The following PACS1 variants were observed in gnomAD, a reference collection of about 807,000 sequenced individuals.
PACS1 encodes the protein PACS-1.
A neutral mutation model predicts 115.0 loss-of-function variants in PACS1; 24 were observed. The observed-to-expected ratio is 0.21, with a 90% CI of 0.15 to 0.29. The LOEUF (loss-of-function observed/expected upper bound fraction) is 0.29, where lower values mean the gene tolerates loss of function less well. Ranked by LOEUF, PACS1 falls within the 10% of genes least tolerant of loss-of-function variation. The probability of loss-of-function intolerance (pLI) is 1.00; values close to 1 mark genes in which losing one functional copy is unlikely to be tolerated. For missense variants in PACS1, 838 were observed against 1,251.2 expected (o/e 0.67, Z 4.98); for synonymous variants, 453 against 504.5 (o/e 0.90, Z 1.37).
At chr11:66,139,918 C>G (rs1858939624) in intron 1 of PACS1, among the ~76,000 whole-genome samples, 2 of 152,074 alleles carry the variant, frequency 1.3e-5, no homozygotes, top group African/African-American at 4.8e-5. Context: ...TTTGGAGGAA[C>G]CTCCAAACTG....
chr11:66,074,321 T>C (rs943529717), intron 1 of PACS1, among the ~76,000 whole-genome samples: 3 of 152,206 alleles, frequency 2.0e-5, no homozygotes, highest in Admixed American at 6.5e-5. Context: ...TAAGTAGTAC[T>C]TCCTCTACTA....
intron 1 of PACS1, among the ~76,000 whole-genome samples, chr11:66,147,412 G>A (rs760371324): frequency 6.6e-6 from 1 of 151,920 alleles, no homozygotes; most frequent in Non-Finnish European, 1.5e-5. Flanking sequence ...ACTAAAGGAA[G>A]AACACCAAAA....
chr11:66,241,268 C>T (rs1214298666), intron 21 of PACS1, 159 bp from the exon 22 acceptor site: 2 of 569,364 alleles, frequency 3.5e-6, no homozygotes, highest in Non-Finnish European at 6.2e-6. Flanking sequence ...GCCTGATTCT[C>T]CTCTCCTACA....
In PACS1 at chr11:66,230,147, A is replaced by G. The variant is rs1246808870; in HGVS notation, c.1375-401A>G. On this transcript the variant is annotated intron_variant, in intron 11 of 23. Transcript: ENST00000320580. ...TAAGGAATGGGGCTAAAAAAAAAAA[A>G]AAAAAAGAAAAAAAAAAAAGGAATG... Among the ~76,000 whole-genome samples the G allele has an allele frequency of 4.6e-5, 7 of 151,280 alleles. No homozygotes were observed. The South Asian group carries it at 8.4e-4, about 18-fold the overall frequency.
At chr11:66,160,595 C>T (rs922237586) in intron 1 of PACS1, among the ~76,000 whole-genome samples, 5 of 151,032 alleles carry the variant, frequency 3.3e-5, no homozygotes, top group Admixed American at 1.3e-4. Context: ...CTCCTGGGCT[C>T]GAGTGATTCT....
chr11:66,239,974 T>C (rs1855778871), intron 21 of PACS1, among the ~76,000 whole-genome samples: 1 of 152,238 alleles, frequency 6.6e-6, no homozygotes, highest in African/African-American at 2.4e-5. Context: ...CTGGGCCACG[T>C]AGTGACGTGG....
At chr11:66,179,694 C>G (rs1859955903) in intron 1 of PACS1, among the ~76,000 whole-genome samples, 1 of 152,182 alleles carries the variant, frequency 6.6e-6, no homozygotes, top group Non-Finnish European at 1.5e-5. Flanking sequence ...ACTCTGGGTT[C>G]TAATTGACTT....
intron 1 of PACS1, among the ~76,000 whole-genome samples, chr11:66,085,224 G>T (rs1476599677): frequency 6.6e-6 from 1 of 151,942 alleles, no homozygotes; most frequent in East Asian, 1.9e-4. Flanking sequence ...TGAAAGACTG[G>T]TTTGCTGTAT....
chr11:66,173,348 T>G (rs1213707931), intron 1 of PACS1, among the ~76,000 whole-genome samples: 1 of 152,228 alleles, frequency 6.6e-6, no homozygotes, highest in Non-Finnish European at 1.5e-5. Context: ...TATTTTCTTC[T>G]GAGTTCCATT....
At chr11:66,240,101 G>T (rs1321544775) in intron 21 of PACS1, among the ~76,000 whole-genome samples, 1 of 152,258 alleles carries the variant, frequency 6.6e-6, no homozygotes, top group South Asian at 2.1e-4. Context: ...CTCTAAAAAA[G>T]AGAAAAAGAA....
chr11:66,219,078 G>A (rs527676872), intron 7 of PACS1, among the ~76,000 whole-genome samples: 1 of 152,152 alleles, frequency 6.6e-6, no homozygotes, highest in African/African-American at 2.4e-5. Context: ...GCATGAGCAG[G>A]TTTGCACTCG....
At chr11:66,228,084 C>G (rs947582431) in intron 11 of PACS1, among the ~76,000 whole-genome samples, 1 of 151,938 alleles carries the variant, frequency 6.6e-6, no homozygotes, top group East Asian at 1.9e-4. Flanking sequence ...CAAACATTTA[C>G]TGTGCCCCTG....
At chr11:66,205,116 C>G (rs1854905129) in intron 2 of PACS1, among the ~76,000 whole-genome samples, 2 of 152,084 alleles carry the variant, frequency 1.3e-5, no homozygotes, top group Non-Finnish European at 2.9e-5. Context: ...TCCCAAGTAG[C>G]TGGGATTACA....
At chr11:66,118,551 G>A (rs922094827) in intron 1 of PACS1, among the ~76,000 whole-genome samples, 4 of 152,152 alleles carry the variant, frequency 2.6e-5, no homozygotes, top group African/African-American at 7.2e-5. Context: ...AGTCAAGGCT[G>A]CAGTGAGCCA....
At chr11:66,189,329 C>T (rs1362476407) in intron 1 of PACS1, among the ~76,000 whole-genome samples, 1 of 152,140 alleles carries the variant, frequency 6.6e-6, no homozygotes, top group African/African-American at 2.4e-5. Context: ...TGTTGCTTTA[C>T]CTAAGGTACT....
At chr11:66,139,169 G>GC (rs1339250312) in intron 1 of PACS1, among the ~76,000 whole-genome samples, 1 of 152,110 alleles carries the variant, frequency 6.6e-6, no homozygotes, top group African/African-American at 2.4e-5. Context: ...GATAGTGGTG[G>GC]CTAAGCCCGA....
intron 10 of PACS1, 104 bp downstream of exon 10, chr11:66,221,351 A>T (rs1012736657): frequency 2.9e-6 from 3 of 1,020,890 alleles, no homozygotes; most frequent in Non-Finnish European, 3.0e-6. Context: ...GTGACCTTAG[A>T]AAAGTGGCCC....
intron 1 of PACS1, among the ~76,000 whole-genome samples, chr11:66,089,505 G>A (rs1857622390): frequency 6.6e-6 from 1 of 152,150 alleles, no homozygotes; most frequent in Non-Finnish European, 1.5e-5. Flanking sequence ...TGGTAGAGTG[G>A]ATTGAACGCT....
At chr11:66,152,797 C>T (rs1029184332) in intron 1 of PACS1, among the ~76,000 whole-genome samples, 14 of 152,226 alleles carry the variant, frequency 9.2e-5, no homozygotes, top group South Asian at 4.1e-4. Flanking sequence ...ACAAATGTGA[C>T]TGACTTTTCA....
Sources: gnomAD v4.1 joint callset for allele counts (sites outside exome capture counted in the v4.1 genomes callset) on GRCh38, gnomAD v4.1.1 for gene constraint, MANE v1.5 for transcripts, NCBI Gene and HGNC (gene_info 2026-07-23, HGNC 2026-07-21) for gene names.